Variants in MAGI2 observed in about 807,000 individuals in gnomAD.
The protein encoded by MAGI2 is membrane-associated guanylate kinase, WW and PDZ domain-containing protein 2.
Under a neutral mutation model 133.3 loss-of-function variants are expected in MAGI2, and 35 were observed. The observed-to-expected ratio is 0.26, with a 90% CI of 0.20 to 0.35. The LOEUF is 0.35. MAGI2 is among the 10% of genes least tolerant of loss of function. The pLI is 1.00. For missense variants in MAGI2, 1,636 were observed against 1,863.4 expected (o/e 0.88, Z 2.25); for synonymous variants, 729 against 710.6 (o/e 1.03, Z -0.41).
At chr7:78,617,771 T>C (rs532816531) in intron 3 of MAGI2, 1 of 152,216 alleles carries the variant, frequency 6.6e-6, no homozygotes, top group Non-Finnish European at 1.5e-5. Flanking sequence ...AAATAATTCA[T>C]AAAACCATCT....
At chr7:78,593,279 C>G (rs1804239232) in intron 3 of MAGI2, among the ~76,000 whole-genome samples, 2 of 152,064 alleles carry the variant, frequency 1.3e-5, no homozygotes, top group African/African-American at 4.8e-5. Context: ...GTAGTCCCAG[C>G]TACTCGGGAG....
intron 1 of MAGI2, among the ~76,000 whole-genome samples, chr7:79,028,848 A>G (rs1810286789): frequency 6.6e-6 from 1 of 152,174 alleles, no homozygotes; most frequent in East Asian, 1.9e-4. Context: ...TTGTCTTGGT[A>G]ATGAAAGGGG....
At chr7:79,068,385 T>C (rs1814594378) in intron 1 of MAGI2, among the ~76,000 whole-genome samples, 1 of 152,226 alleles carries the variant, frequency 6.6e-6, no homozygotes, top group Non-Finnish European at 1.5e-5. Context: ...TTCTAGTTTA[T>C]TTGCATAGAG....
At chr7:78,495,122 TTTATTA>T (rs1361304200) in intron 5 of MAGI2, among the ~76,000 whole-genome samples, 5 of 152,266 alleles carry the variant, frequency 3.3e-5, no homozygotes, top group African/African-American at 7.2e-5. Flanking sequence ...ACAAAACACT[TTTATTA>T]TTATTATAAG....
intron 1 of MAGI2, among the ~76,000 whole-genome samples, chr7:79,136,020 A>AGAAG (rs1562928914): frequency 2.7e-5 from 3 of 112,738 alleles, no homozygotes; most frequent in South Asian, 3.0e-4. Context: ...AAAGAAAGAA[A>AGAAG]GAAAGAAGGA....
chr7:78,734,084 A>G (rs1821621427), intron 2 of MAGI2, among the ~76,000 whole-genome samples: 1 of 152,222 alleles, frequency 6.6e-6, no homozygotes, highest in Non-Finnish European at 1.5e-5. Flanking sequence ...AGATGATATC[A>G]TATGTTGCTT....
chr7:79,257,560 GA>G (rs1833780179), intron 1 of MAGI2, among the ~76,000 whole-genome samples: 1 of 152,136 alleles, frequency 6.6e-6, no homozygotes, highest in Non-Finnish European at 1.5e-5. Flanking sequence ...CTGCGTTGGA[GA>G]AAATGTGCCA....
chr7:79,357,972 G>A (rs893697245), intron 1 of MAGI2, among the ~76,000 whole-genome samples: 2 of 151,974 alleles, frequency 1.3e-5, no homozygotes, highest in African/African-American at 4.8e-5. Context: ...ATTTCAAATT[G>A]AGTGCATTCT....
At chr7:78,441,355 G>T (rs1441924144) in intron 6 of MAGI2, among the ~76,000 whole-genome samples, 1 of 152,194 alleles carries the variant, frequency 6.6e-6, no homozygotes, top group East Asian at 1.9e-4. Flanking sequence ...ATAGAAATTT[G>T]TGGGGTAAAG....
chr7:78,655,442 A>G (rs1359711888), intron 2 of MAGI2, among the ~76,000 whole-genome samples: 3 of 137,924 alleles, frequency 2.2e-5, no homozygotes, highest in Non-Finnish European at 3.1e-5. Flanking sequence ...AAAACAAACA[A>G]AAAAAAACAA....
At chr7:78,053,378 T>C (rs1361326523) in intron 21 of MAGI2, among the ~76,000 whole-genome samples, 1 of 152,248 alleles carries the variant, frequency 6.6e-6, no homozygotes, top group Non-Finnish European at 1.5e-5. Flanking sequence ...GTCCCCTGTC[T>C]GAGGGTGCAG....
chr7:79,445,762 T>C (rs1848808013), intron 1 of MAGI2, among the ~76,000 whole-genome samples: 1 of 152,152 alleles, frequency 6.6e-6, no homozygotes, highest in Admixed American at 6.5e-5. Flanking sequence ...GTGTGGCAAT[T>C]CCTCAGGGAT....
chr7:78,408,783 A>G, intron 6 of MAGI2, among the ~76,000 whole-genome samples: 1 of 152,236 alleles, frequency 6.6e-6, no homozygotes, highest in Non-Finnish European at 1.5e-5. Context: ...TATATATGAT[A>G]ATCTTTTTGA....
chr7:78,459,274 C>A (rs1046629644), intron 6 of MAGI2, among the ~76,000 whole-genome samples: 9 of 152,060 alleles, frequency 5.9e-5, no homozygotes, highest in African/African-American at 1.9e-4. Flanking sequence ...GTAGATAGAA[C>A]CATTTAAAAG....
At chr7:78,868,878 A>G (rs556317945) in intron 2 of MAGI2, among the ~76,000 whole-genome samples, 1 of 152,066 alleles carries the variant, frequency 6.6e-6, no homozygotes, top group Non-Finnish European at 1.5e-5. Context: ...CACAGCCTCC[A>G]GAGTAGCTAG....
At chr7:79,028,291 A>ATG (rs1287860727) in intron 1 of MAGI2, among the ~76,000 whole-genome samples, 3 of 36,758 alleles carry the variant, frequency 8.2e-5, no homozygotes, top group East Asian at 8.4e-4. Flanking sequence ...ATATATATAT[A>ATG]TGTGTGTATA....
At chr7:79,256,982 G>T (rs968097733) in intron 1 of MAGI2, among the ~76,000 whole-genome samples, 5 of 151,988 alleles carry the variant, frequency 3.3e-5, no homozygotes, top group African/African-American at 9.7e-5. Context: ...TGTACAACAT[G>T]GTGACTATAG....
intron 6 of MAGI2, among the ~76,000 whole-genome samples, chr7:78,477,819 G>A (rs1791935546): frequency 6.6e-6 from 1 of 151,806 alleles, no homozygotes; most frequent in Non-Finnish European, 1.5e-5. Flanking sequence ...AAATTATATT[G>A]ATCTGCCTAT....
At chr7:78,492,273 G>T (rs7804616) in intron 5 of MAGI2, among the ~76,000 whole-genome samples, 47,489 of 151,834 alleles carry the variant, frequency 0.31, 7,501 homozygotes, top group South Asian at 0.47. Context: ...AGTATTAACG[G>T]TGTGTCACTT....
Sources: allele counts gnomAD v4.1 joint callset (sites outside exome capture counted in the v4.1 genomes callset), GRCh38; gene constraint gnomAD v4.1.1; transcripts MANE v1.5; gene names NCBI Gene and HGNC (gene_info 2026-07-23, HGNC 2026-07-21).